The following FOXO1 variants were observed in gnomAD, a reference collection of about 807,000 sequenced individuals.
The protein encoded by FOXO1 is forkhead box protein O1.
In FOXO1, 6 loss-of-function variants were observed where a neutral mutation model predicts 44.1. The observed-to-expected ratio is 0.14, with a 90% CI of 0.07 to 0.27. The LOEUF is 0.27. Ranked by LOEUF, FOXO1 falls within the 10% of genes least tolerant of loss-of-function variation. The pLI, the probability that FOXO1 is intolerant of heterozygous loss-of-function variation, is 1.00. For synonymous variants in FOXO1, 380 were observed against 362.7 expected (o/e 1.05, Z -0.54); for missense variants, 737 against 888.8 (o/e 0.83, Z 2.17).
chr13:40,561,437 C>T (rs1162244610), intron 1 of FOXO1, among the ~76,000 whole-genome samples: 1 of 150,916 alleles, frequency 6.6e-6, no homozygotes, highest in Non-Finnish European at 1.5e-5. Context: ...TTCTTTTATA[C>T]AGCTACATTT....
At chr13:40,635,014 T>G (rs1192315369) in intron 1 of FOXO1, among the ~76,000 whole-genome samples, 2 of 152,120 alleles carry the variant, frequency 1.3e-5, no homozygotes, top group Non-Finnish European at 2.9e-5. Context: ...CCTCTACAAT[T>G]TCAACATCAA....
chr13:40,664,476 G>A (rs1293972834), intron 1 of FOXO1, among the ~76,000 whole-genome samples: 1 of 151,952 alleles, frequency 6.6e-6, no homozygotes, highest in Non-Finnish European at 1.5e-5. Context: ...TCCTGGCCAC[G>A]CTCTGAAAGG....
chr13:40,593,045 A>T (rs1875442851), intron 1 of FOXO1, among the ~76,000 whole-genome samples: 1 of 152,112 alleles, frequency 6.6e-6, no homozygotes, highest in Non-Finnish European at 1.5e-5. Context: ...TGTTTCTGAG[A>T]CAGGGTCTCA....
chr13:40,576,509 A>G (rs930233115), intron 1 of FOXO1, among the ~76,000 whole-genome samples: 4 of 152,192 alleles, frequency 2.6e-5, no homozygotes, highest in African/African-American at 9.7e-5. Flanking sequence ...ATTGCTCTTG[A>G]TAAGTAAAAG....
chr13:40,666,463 G>C lies in FOXO1; in HGVS notation c.-251C>G. The C allele has an allele frequency of 2.7e-6, 1 of 369,324 alleles. No individual in the cohort carries two copies. The highest frequency in any genetic ancestry group is 4.8e-6 in the Non-Finnish European group (1 of 206,346). 22.9% of individuals were successfully genotyped at this position (369,324 alleles called of 1,614,324 possible). A position where few individuals can be genotyped will look rare whatever the true frequency, so the allele number is the denominator to read the frequency against. Reference sequence around the variant, plus strand: ...ACGGACTGGACGGCCGGCCAGAGCCGCCGGGCCGGGGCAGAGCCTGCGCCG... The same window carrying C: ...ACGGACTGGACGGCCGGCCAGAGCCCCCGGGCCGGGGCAGAGCCTGCGCCG... On this transcript the variant is annotated 5_prime_UTR_variant, in exon 1 of 3. Transcript: ENST00000379561.
At chr13:40,657,900 CTTAAA>C (rs1877907678) in intron 1 of FOXO1, among the ~76,000 whole-genome samples, 1 of 152,160 alleles carries the variant, frequency 6.6e-6, no homozygotes, top group Non-Finnish European at 1.5e-5. Context: ...TATACTACTT[CTTAAA>C]TTATTCTCAC....
At chr13:40,596,032 C>T in intron 1 of FOXO1, among the ~76,000 whole-genome samples, 1 of 147,132 alleles carries the variant, frequency 6.8e-6, no homozygotes, top group Non-Finnish European at 1.5e-5. Context: ...TTATTTAATA[C>T]AACAGAATTT....
intron 1 of FOXO1, among the ~76,000 whole-genome samples, chr13:40,595,381 C>T (rs892178063): frequency 1.3e-5 from 2 of 152,142 alleles, no homozygotes; most frequent in South Asian, 2.1e-4. Context: ...ATCTATCTAT[C>T]CTGTCAAAAC....
In FOXO1 at chr13:40,665,906, TGGCGGCCGC is replaced by T. The variant is rs1450471667; in HGVS notation, c.298_306del (p.Ala100_Ala102del). 6.1e-5 allele frequency: 72 copies of T among 1,178,038 alleles called. No homozygotes were observed. The highest frequency in any genetic ancestry group is 4.7e-4 in the Admixed American group (10 of 21,472). 73.0% of individuals were successfully genotyped at this position (1,178,038 alleles called of 1,614,324 possible). ...TGGAAGTCCCCGCACAGCCCCCCGG[TGGCGGCCGC>T]GGCGGCCGCCGCCGCCACCGCCGCC... is the stretch of plus-strand genomic sequence containing the variant. On this transcript the variant is annotated inframe_deletion, in exon 1 of 3. Coordinates refer to ENST00000379561, the MANE Select transcript of FOXO1 (RefSeq NM_002015.4).
chr13:40,597,484 C>A (rs1455028073), intron 1 of FOXO1, among the ~76,000 whole-genome samples: 1 of 152,180 alleles, frequency 6.6e-6, no homozygotes, highest in East Asian at 1.9e-4. Context: ...CGAGCTGCAT[C>A]CCTAACTGTG....
chr13:40,607,835 A>G (rs1256753110), intron 1 of FOXO1, among the ~76,000 whole-genome samples: 1 of 152,274 alleles, frequency 6.6e-6, no homozygotes, highest in Non-Finnish European at 1.5e-5. Flanking sequence ...GGGCTAGCCC[A>G]GTATCTTCAT....
intron 1 of FOXO1, among the ~76,000 whole-genome samples, chr13:40,664,856 G>A (rs1322526546): frequency 1.3e-5 from 2 of 151,206 alleles, no homozygotes; most frequent in Non-Finnish European, 1.5e-5. Flanking sequence ...CCCGCCGAGG[G>A]TCACACTTGA....
At chr13:40,657,221 A>G (rs929897992) in intron 1 of FOXO1, among the ~76,000 whole-genome samples, 8 of 152,194 alleles carry the variant, frequency 5.3e-5, no homozygotes, top group African/African-American at 1.9e-4. Context: ...ATGAAATGTC[A>G]TTAGTAGAAA....
chr13:40,584,469 C>CAAAAAAAAAAAAAAAAA lies in FOXO1; in HGVS notation c.631-23626_631-23610dup, dbSNP rs55733141. ...AGAAATTCTATCTCCACAAAAAATG[C>CAAAAAAAAAAAAAAAAA]AAAAAAAAAAAAAAAAAAAAAAAAA... On this transcript the variant is annotated intron_variant, in intron 1 of 2. Transcript: ENST00000379561. Among the ~76,000 whole-genome samples the CAAAAAAAAAAAAAAAAA allele has an allele frequency of 3.3e-4, 21 of 63,112 alleles. 3 individuals carry two copies. Among genetic ancestry groups the CAAAAAAAAAAAAAAAAA allele is most frequent in the Non-Finnish European group, 4.2e-4 (16 of 37,886 alleles). 41.4% of individuals were successfully genotyped at this position (63,112 alleles called of 152,430 possible).
chr13:40,645,424 C>T (rs2043297694), intron 1 of FOXO1, among the ~76,000 whole-genome samples: 1 of 152,206 alleles, frequency 6.6e-6, no homozygotes, highest in South Asian at 2.1e-4. Context: ...TGGATTTCCT[C>T]TTTACAGGCC....
At chr13:40,563,632 G>A (rs766916630) in intron 1 of FOXO1, among the ~76,000 whole-genome samples, 44 of 152,070 alleles carry the variant, frequency 2.9e-4, no homozygotes, top group Non-Finnish European at 6.0e-4. Flanking sequence ...CCCTCACCTC[G>A]AGACACGCTG....
intron 1 of FOXO1, among the ~76,000 whole-genome samples, chr13:40,576,727 G>T (rs769505096): frequency 6.6e-6 from 1 of 152,132 alleles, no homozygotes; most frequent in Non-Finnish European, 1.5e-5. Context: ...TCAAACTTAC[G>T]GCATAATCTG....
At chr13:40,662,935 G>A (rs1878083222) in intron 1 of FOXO1, among the ~76,000 whole-genome samples, 1 of 152,200 alleles carries the variant, frequency 6.6e-6, no homozygotes, top group Admixed American at 6.5e-5. Flanking sequence ...GTTTTAACAA[G>A]TAACTCATTT....
rs1448272875 is a variant in FOXO1 at position 40,666,090 on chromosome 13, G to C, written c.123C>G (p.Ser41Arg). 1 of 1,384,836 alleles carries C rather than the reference G, an allele frequency of 7.2e-7. No individual in the cohort carries two copies. The highest frequency in any genetic ancestry group is 3.1e-5 in the East Asian group (1 of 32,422). The allele number at this position is 1,384,836 out of a possible 1,614,324, so 85.8% of individuals were successfully genotyped here. A position where few individuals can be genotyped will look rare whatever the true frequency, so the allele number is the denominator to read the frequency against. ...EFSQSNSATSSPAPSGSAAAN... is the reference protein window; with the variant it reads ...EFSQSNSATSRPAPSGSAAAN... Reference sequence around the variant, plus strand: ...CAGCCGCGCTGCCCGACGGCGCCGGGCTGGAGGTGGCCGAGTTGGACTGGC... The same window carrying C: ...CAGCCGCGCTGCCCGACGGCGCCGGCCTGGAGGTGGCCGAGTTGGACTGGC... Residue 41 changes from serine (S) to arginine (R), a missense_variant, in exon 1 of 3, where the codon AGC (serine) becomes AGG (arginine). Ser to Arg is a moderately radical substitution (Grantham distance 110). Around this residue, in one of 7 missense-constraint regions of FOXO1, gnomAD observed 213 missense variants for 236.4 expected, o/e 0.90. Transcript: ENST00000379561.
Sources: allele counts gnomAD v4.1 joint callset (sites outside exome capture counted in the v4.1 genomes callset), GRCh38; gene constraint gnomAD v4.1.1; regional missense constraint gnomAD v4.1.1; transcripts MANE v1.5; gene names NCBI Gene and HGNC (gene_info 2026-07-23, HGNC 2026-07-21).